The following CDH12 variants were observed in gnomAD, a reference collection of about 807,000 sequenced individuals.
CDH12 encodes cadherin-12.
Under a neutral mutation model 74.1 loss-of-function variants are expected in CDH12, and 41 were observed. The ratio of observed to expected loss-of-function variants is 0.55; its 90% CI spans 0.43 to 0.72. The LOEUF (loss-of-function observed/expected upper bound fraction) is 0.72, where lower values mean the gene tolerates loss of function less well. Among genes scored for constraint, CDH12 ranks in the 30% least tolerant of loss-of-function variants. CDH12 has a pLI of 0.00. For synonymous variants in CDH12, 399 were observed against 355.0 expected (o/e 1.12, Z -1.39); for missense variants, 945 against 977.2 (o/e 0.97, Z 0.44).
At chr5:22,202,830 A>G (rs1162581145) in intron 4 of CDH12, among the ~76,000 whole-genome samples, 3 of 152,232 alleles carry the variant, frequency 2.0e-5, no homozygotes, top group African/African-American at 7.2e-5. Flanking sequence ...AAAGCTCTAC[A>G]CGTGAACTTT....
intron 1 of CDH12, among the ~76,000 whole-genome samples, chr5:22,578,781 C>T (rs1411408392): frequency 3.3e-5 from 5 of 151,900 alleles, no homozygotes; most frequent in Non-Finnish European, 7.4e-5. Flanking sequence ...CCTGAATATG[C>T]GTTTCTCTAG....
In CDH12 at chr5:22,448,300, T is replaced by C. The variant is rs1744908689; in HGVS notation, c.-427-42949A>G. 3.9e-5 allele frequency among the ~76,000 whole-genome samples: 6 copies of C among 152,180 alleles called. No individual in the cohort carries two copies. The South Asian group carries it at 1.2e-3, about 32-fold the overall frequency. ...ATTAATTCTGTGGGTTTTCTTAATA[T>C]ATCTTCAAGTTTTAACATCACTCGA... On this transcript the variant is annotated intron_variant, in intron 2 of 14. Transcript: ENST00000382254.
chr5:22,032,518 C>G (rs1181866221), intron 5 of CDH12, among the ~76,000 whole-genome samples: 3 of 151,768 alleles, frequency 2.0e-5, no homozygotes, highest in Non-Finnish European at 4.4e-5. Flanking sequence ...CAAGACCAGC[C>G]TAGCCAACAT....
intron 3 of CDH12, among the ~76,000 whole-genome samples, chr5:22,319,628 T>C (rs866554210): frequency 6.6e-6 from 1 of 152,206 alleles, no homozygotes; most frequent in Non-Finnish European, 1.5e-5. Flanking sequence ...AAACATTATA[T>C]TGTGATTAGA....
chr5:22,548,808 T>C (rs1738441365), intron 1 of CDH12, among the ~76,000 whole-genome samples: 1 of 152,100 alleles, frequency 6.6e-6, no homozygotes, highest in African/African-American at 2.4e-5. Context: ...ACGGTGGCTA[T>C]TAGTTTGTGG....
chr5:21,817,405 A>C (rs959076673), intron 8 of CDH12, among the ~76,000 whole-genome samples: 1 of 152,074 alleles, frequency 6.6e-6, no homozygotes, highest in Non-Finnish European at 1.5e-5. Flanking sequence ...TGTTTTACAC[A>C]CTTATATGGC....
intron 2 of CDH12, among the ~76,000 whole-genome samples, chr5:22,460,407 A>G (rs76802337): frequency 0.013 from 2,056 of 152,312 alleles, 39 homozygotes; most frequent in African/African-American, 0.047. Flanking sequence ...GAAGCAGAAA[A>G]ATAAATAAAA....
chr5:21,920,481 A>G (rs1322814058), intron 6 of CDH12, among the ~76,000 whole-genome samples: 3 of 151,956 alleles, frequency 2.0e-5, no homozygotes, highest in Admixed American at 6.6e-5. Context: ...GAACAATGAG[A>G]ATCCATGGAC....
At chr5:22,238,140 C>A (rs1230611824) in intron 3 of CDH12, among the ~76,000 whole-genome samples, 2 of 152,170 alleles carry the variant, frequency 1.3e-5, no homozygotes, top group Admixed American at 1.3e-4. Context: ...ACCCTCCAGG[C>A]AGTGTTTAAA....
chr5:21,768,349 C>T (rs1184611279), intron 11 of CDH12, among the ~76,000 whole-genome samples: 1 of 151,732 alleles, frequency 6.6e-6, no homozygotes, highest in Non-Finnish European at 1.5e-5. Context: ...ATATCGGAGT[C>T]AGATCCTATA....
intron 5 of CDH12, among the ~76,000 whole-genome samples, chr5:21,981,128 A>G (rs1370894866): frequency 6.6e-6 from 1 of 152,164 alleles, no homozygotes; most frequent in Non-Finnish European, 1.5e-5. Context: ...ATAAATTCGA[A>G]TAATATTTGT....
intron 1 of CDH12, among the ~76,000 whole-genome samples, chr5:22,766,969 C>T (rs1247753798): frequency 1.3e-5 from 2 of 151,874 alleles, no homozygotes; most frequent in Admixed American, 1.3e-4. Flanking sequence ...TTATTTTATA[C>T]CTTATGGCAG....
intron 1 of CDH12, among the ~76,000 whole-genome samples, chr5:22,700,090 C>G (rs531959866): frequency 6.6e-6 from 1 of 152,104 alleles, no homozygotes; most frequent in African/African-American, 2.4e-5. Context: ...TTGCTTGAAC[C>G]CAGGAGGCAG....
chr5:22,424,925 C>A (rs1342631115), intron 2 of CDH12, among the ~76,000 whole-genome samples: 4 of 151,356 alleles, frequency 2.6e-5, no homozygotes, highest in Non-Finnish European at 4.4e-5. Flanking sequence ...CTGTTTAAAA[C>A]TCATTTTGAA....
intron 4 of CDH12, among the ~76,000 whole-genome samples, chr5:22,121,889 A>G (rs184947186): frequency 6.6e-6 from 1 of 152,210 alleles, no homozygotes; most frequent in Non-Finnish European, 1.5e-5. Flanking sequence ...CTGAACTTAA[A>G]ACATCATAGA....
At chr5:22,298,104 G>A (rs762895074) in intron 3 of CDH12, among the ~76,000 whole-genome samples, 7 of 150,038 alleles carry the variant, frequency 4.7e-5, no homozygotes, top group Non-Finnish European at 7.4e-5. Context: ...GATGCCTAAT[G>A]GAGAAAAATA....
chr5:22,231,270 T>C (rs1450498856), intron 3 of CDH12, among the ~76,000 whole-genome samples: 1 of 152,140 alleles, frequency 6.6e-6, no homozygotes, highest in East Asian at 1.9e-4. Context: ...GGATTTTGAA[T>C]TAAACCACAT....
intron 8 of CDH12, among the ~76,000 whole-genome samples, chr5:21,825,623 A>T (rs1748627057): frequency 3.3e-5 from 5 of 151,674 alleles, no homozygotes; most frequent in Admixed American, 3.3e-4. Context: ...CTTAACAACC[A>T]CTCCACAAGC....
chr5:22,699,848 A>G lies in CDH12; in HGVS notation c.-523+153210T>C, dbSNP rs1742616377. Among the ~76,000 whole-genome samples, 2 of 152,190 alleles carry G rather than the reference A, an allele frequency of 1.3e-5. 1 individual carries two copies. Among genetic ancestry groups the G allele is most frequent in the African/African-American group, 4.8e-5 (2 of 41,450 alleles). ...AAATAGGGATAGTTCGGTGAATCAT[A>G]TTAATGCCTATTGCTATTAGATTAT... On this transcript the variant is annotated intron_variant, in intron 1 of 14. Coordinates refer to ENST00000382254, the MANE Select transcript of CDH12 (RefSeq NM_004061.5).
Sources: allele counts gnomAD v4.1 joint callset (sites outside exome capture counted in the v4.1 genomes callset), GRCh38; gene constraint gnomAD v4.1.1; transcripts MANE v1.5; gene names NCBI Gene and HGNC (gene_info 2026-07-23, HGNC 2026-07-21).